GABRG3: variants seen among roughly 807,000 people sequenced by gnomAD.
GABRG3 encodes the protein gamma-aminobutyric acid type A receptor subunit gamma3.
A neutral mutation model predicts 48.8 loss-of-function variants in GABRG3; 25 were observed. The observed-to-expected ratio is 0.51, with a 90% CI of 0.37 to 0.72. The LOEUF is 0.72. Ranked by LOEUF, GABRG3 falls within the 30% of genes least tolerant of loss-of-function variation. The pLI, the probability that GABRG3 is intolerant of heterozygous loss-of-function variation, is 0.00. For missense variants in GABRG3, 394 were observed against 577.9 expected (o/e 0.68, Z 3.26); for synonymous variants, 227 against 217.6 (o/e 1.04, Z -0.38).
chr15:27,004,173 G>A (rs1382097536), intron 2 of GABRG3, among the ~76,000 whole-genome samples: 2 of 148,750 alleles, frequency 1.3e-5, no homozygotes, highest in South Asian at 4.3e-4. Context: ...CGGGCGGAGA[G>A]GCTCCTCACT....
At chr15:27,396,083 G>A (rs912323148) in intron 5 of GABRG3, among the ~76,000 whole-genome samples, 4 of 152,052 alleles carry the variant, frequency 2.6e-5, no homozygotes, top group African/African-American at 9.7e-5. Context: ...GGCTGGTCTC[G>A]AACCCCTGGC....
intron 3 of GABRG3, among the ~76,000 whole-genome samples, chr15:27,241,698 T>C (rs1890133245): frequency 6.6e-6 from 1 of 152,248 alleles, no homozygotes; most frequent in Non-Finnish European, 1.5e-5. Flanking sequence ...TAGTGCATAG[T>C]TAGTAGTCCA....
chr15:27,458,198 C>T (rs1889343460), intron 5 of GABRG3, among the ~76,000 whole-genome samples: 1 of 152,164 alleles, frequency 6.6e-6, no homozygotes, highest in African/African-American at 2.4e-5. Context: ...ATAAGTGCGG[C>T]CACCAAAAGG....
At chr15:27,293,706 A>G (rs1414327497) in intron 3 of GABRG3, among the ~76,000 whole-genome samples, 1 of 152,002 alleles carries the variant, frequency 6.6e-6, no homozygotes, top group Non-Finnish European at 1.5e-5. Context: ...AAAAAACAGA[A>G]CAAAACTGGA....
At chr15:27,226,868 G>A (rs1055915958) in intron 3 of GABRG3, among the ~76,000 whole-genome samples, 9 of 152,208 alleles carry the variant, frequency 5.9e-5, no homozygotes, top group African/African-American at 2.2e-4. Flanking sequence ...ATGAGGCCTA[G>A]AGGGACTTGG....
At chr15:27,231,009 ATG>A (rs3068361) in intron 3 of GABRG3, among the ~76,000 whole-genome samples, 18,126 of 143,208 alleles carry the variant, frequency 0.13, 1,191 homozygotes, top group East Asian at 0.25. Context: ...AAACAGTAAA[ATG>A]TGTGTGTGTG....
intron 5 of GABRG3, among the ~76,000 whole-genome samples, chr15:27,459,630 T>G (rs1309278971): frequency 1.3e-5 from 2 of 152,128 alleles, no homozygotes; most frequent in East Asian, 3.9e-4. Context: ...TGACAAAATA[T>G]TTTTTAAAAA....
rs549724441 is a variant in GABRG3 at position 27,408,669 on chromosome 15, G to A, written c.575-71981G>A. ...CTTCCAGTGTGGTGTTTTCTACTTC[G>A]GGGTGACTGCAGAGGACAATAGAAT... On this transcript the variant is annotated intron_variant, in intron 5 of 9. Transcript: ENST00000615808. Among the ~76,000 whole-genome samples, 100 of 152,152 alleles carry A rather than the reference G, an allele frequency of 6.6e-4. 1 individual carries two copies. The South Asian group carries it at 9.4e-3, about 14-fold the overall frequency.
chr15:27,459,146 G>C (rs1193690549), intron 5 of GABRG3, among the ~76,000 whole-genome samples: 2 of 152,166 alleles, frequency 1.3e-5, no homozygotes, highest in African/African-American at 4.8e-5. Context: ...ACAAGGTTTC[G>C]ATGTGATGTG....
At chr15:27,271,104 G>A (rs533950405) in intron 3 of GABRG3, among the ~76,000 whole-genome samples, 2 of 152,306 alleles carry the variant, frequency 1.3e-5, no homozygotes, top group African/African-American at 4.8e-5. Flanking sequence ...GAGAGGTGAA[G>A]CGCTAACCCT....
rs886104831 is a variant in GABRG3 at position 27,034,150 on chromosome 15, A to G, written c.270+7329A>G. ...CAACTTACCCTGTATGAAAACGTAT[A>G]TGCCTGTATTGATGCCTTAATTTGA... On this transcript the variant is annotated intron_variant, in intron 3 of 9. Transcript: ENST00000615808. 9.2e-5 allele frequency among the ~76,000 whole-genome samples: 14 copies of G among 152,242 alleles called. 3 individuals are homozygous for G. Among genetic ancestry groups the G allele is most frequent in the Admixed American group, 8.5e-4 (13 of 15,288 alleles).
intron 3 of GABRG3, among the ~76,000 whole-genome samples, chr15:27,181,342 AC>A (rs1383605648): frequency 6.6e-6 from 1 of 152,242 alleles, no homozygotes; most frequent in East Asian, 1.9e-4. Flanking sequence ...ACCCATGCAC[AC>A]CTTTATTTGG....
chr15:27,187,151 A>T (rs576563280), intron 3 of GABRG3, among the ~76,000 whole-genome samples: 1 of 152,270 alleles, frequency 6.6e-6, no homozygotes, highest in Admixed American at 6.5e-5. Context: ...CTGGCAGACC[A>T]GTTATCCCAG....
intron 3 of GABRG3, among the ~76,000 whole-genome samples, chr15:27,109,831 G>A (rs1287010247): frequency 6.6e-6 from 1 of 152,052 alleles, no homozygotes; most frequent in Non-Finnish European, 1.5e-5. Context: ...GTAGTGAGTG[G>A]AGATCGCGCC....
chr15:27,517,295 A>C (rs1476782274), intron 6 of GABRG3, among the ~76,000 whole-genome samples: 3 of 151,524 alleles, frequency 2.0e-5, no homozygotes, highest in Non-Finnish European at 4.4e-5. Flanking sequence ...TATCGTGCAC[A>C]CCTCCATATT....
chr15:27,441,153 G>A (rs113084854), intron 5 of GABRG3, among the ~76,000 whole-genome samples: 3 of 152,136 alleles, frequency 2.0e-5, no homozygotes, highest in Non-Finnish European at 4.4e-5. Context: ...AATTTGTCTT[G>A]AGCATTTATT....
intron 3 of GABRG3, among the ~76,000 whole-genome samples, chr15:27,079,304 A>G (rs762241436): frequency 5.9e-5 from 9 of 152,224 alleles, no homozygotes; most frequent in Non-Finnish European, 1.3e-4. Flanking sequence ...GCCAAAAAAA[A>G]GGCAAATAAT....
chr15:27,198,096 C>G (rs575561067), intron 3 of GABRG3, among the ~76,000 whole-genome samples: 7 of 152,230 alleles, frequency 4.6e-5, no homozygotes, highest in African/African-American at 1.7e-4. Context: ...TGGGCAAAGA[C>G]TTCATGACTA....
chr15:27,479,003 T>C (rs1404224788), intron 5 of GABRG3, among the ~76,000 whole-genome samples: 1 of 151,484 alleles, frequency 6.6e-6, no homozygotes, highest in Non-Finnish European at 1.5e-5. Flanking sequence ...AGATGGGTGG[T>C]GGATGTGGGC....
Sources: gnomAD v4.1 joint callset for allele counts (sites outside exome capture counted in the v4.1 genomes callset) on GRCh38, gnomAD v4.1.1 for gene constraint, MANE v1.5 for transcripts, NCBI Gene and HGNC (gene_info 2026-07-23, HGNC 2026-07-21) for gene names.